ARL13B: variants seen among roughly 807,000 people sequenced by gnomAD.
ARL13B encodes the protein ARF like GTPase 13B.
In ARL13B, 36 loss-of-function variants were observed where a neutral mutation model predicts 56.1. The observed-to-expected ratio is 0.64, with a 90% confidence interval of 0.49 to 0.85. The LOEUF is 0.85. Ranked by LOEUF, ARL13B falls within the 40% of genes least tolerant of loss-of-function variation. The pLI, the probability that ARL13B is intolerant of heterozygous loss-of-function variation, is 0.00. For synonymous variants in ARL13B, 178 were observed against 171.1 expected (o/e 1.04, Z -0.32); for missense variants, 519 against 507.1 (o/e 1.02, Z -0.23).
At chr3:94,014,597 G>C (rs778820747) in intron 3 of ARL13B, 1 of 1,612,726 alleles carries the variant, frequency 6.2e-7, no homozygotes, top group Admixed American at 1.7e-5. Flanking sequence ...TCCTTTATTT[G>C]GTTCTCCAAA....
At chr3:94,051,027 C>T (rs573367176) in intron 9 of ARL13B, 135 bp downstream of exon 9, 31 of 717,612 alleles carry the variant, frequency 4.3e-5, no homozygotes, top group East Asian at 2.8e-4. Context: ...TTTCATTATA[C>T]GTCTTTTTTC....
intron 1 of ARL13B, among the ~76,000 whole-genome samples, chr3:93,990,070 T>C (rs1253153616): frequency 2.6e-5 from 4 of 152,196 alleles, no homozygotes; most frequent in Middle Eastern, 3.2e-3. Context: ...AATGGCACGA[T>C]CTCAGCTCAC....
intron 2 of ARL13B, among the ~76,000 whole-genome samples, chr3:94,001,934 C>A (rs533711025): frequency 6.6e-6 from 1 of 152,254 alleles, no homozygotes; most frequent in East Asian, 1.9e-4. Flanking sequence ...ATATGTCTAA[C>A]TTTACCTTTT....
At chr3:94,045,579 A>G (rs1029595623) in intron 7 of ARL13B, among the ~76,000 whole-genome samples, 20 of 152,244 alleles carry the variant, frequency 1.3e-4, no homozygotes, top group African/African-American at 4.6e-4. Flanking sequence ...TTCATTATAA[A>G]ATATATGTAA....
intron 1 of ARL13B, among the ~76,000 whole-genome samples, chr3:93,983,749 G>GT (rs1331199271): frequency 6.6e-6 from 1 of 151,930 alleles, no homozygotes; most frequent in Non-Finnish European, 1.5e-5. Context: ...TTACTGTTGT[G>GT]TTTTTTCTAT....
intron 3 of ARL13B, among the ~76,000 whole-genome samples, chr3:94,021,858 A>G (rs1200112530): frequency 6.6e-6 from 1 of 152,174 alleles, no homozygotes; most frequent in Non-Finnish European, 1.5e-5. Flanking sequence ...TATAGCCATA[A>G]GCTTTTTAAA....
chr3:94,004,732 G>A (rs2076105591), intron 3 of ARL13B, among the ~76,000 whole-genome samples: 2 of 151,574 alleles, frequency 1.3e-5, no homozygotes, highest in Admixed American at 6.6e-5. Flanking sequence ...GAGGTGGTTT[G>A]GAAGCTCTGA....
At chr3:94,015,221 G>A (rs1361599470) in intron 3 of ARL13B, 1 of 1,589,082 alleles carries the variant, frequency 6.3e-7, no homozygotes, top group Non-Finnish European at 8.5e-7. Context: ...TCTCTAGAGA[G>A]TTCAATTTCC....
intron 3 of ARL13B, among the ~76,000 whole-genome samples, chr3:94,032,204 C>G (rs1380801361): frequency 2.0e-5 from 3 of 152,040 alleles, no homozygotes; most frequent in East Asian, 3.8e-4. Context: ...ACAAGGAAAT[C>G]AACAACAAAA....
intron 3 of ARL13B, among the ~76,000 whole-genome samples, chr3:94,009,989 T>C (rs1452961854): frequency 1.3e-5 from 2 of 151,198 alleles, no homozygotes; most frequent in African/African-American, 4.9e-5. Flanking sequence ...CGTAGCAAGA[T>C]ATTGTCCATG....
chr3:94,003,945 A>T (rs764881953), intron 3 of ARL13B, 37 bp downstream of exon 3: 1 of 1,611,618 alleles, frequency 6.2e-7, no homozygotes, highest in South Asian at 1.1e-5. Flanking sequence ...TGTAGGGACG[A>T]TGGCATTGGC....
chr3:94,044,207 T>A (rs1395841844), intron 7 of ARL13B, among the ~76,000 whole-genome samples: 1 of 144,250 alleles, frequency 6.9e-6, no homozygotes, highest in Non-Finnish European at 1.5e-5. Context: ...GTCTAGGAAG[T>A]GAGGAGTGTC....
chr3:94,000,419 A>G (rs2076034843), intron 2 of ARL13B, among the ~76,000 whole-genome samples: 1 of 152,132 alleles, frequency 6.6e-6, no homozygotes, highest in South Asian at 2.1e-4. Flanking sequence ...TCTCTTGACT[A>G]TCAGATAGTG....
chr3:94,014,582 T>C (rs761027783), intron 3 of ARL13B: 1 of 1,612,388 alleles, frequency 6.2e-7, no homozygotes, highest in Non-Finnish European at 8.5e-7. Context: ...AAAAGATCCC[T>C]TAAATCCTTT....
intron 6 of ARL13B, among the ~76,000 whole-genome samples, 186 bp from the exon 7 acceptor site, chr3:94,042,829 C>T (rs774718322): frequency 2.0e-5 from 3 of 152,036 alleles, no homozygotes; most frequent in Admixed American, 1.3e-4. Context: ...GTTATACTTT[C>T]TGTTTTACTG....
intron 2 of ARL13B, among the ~76,000 whole-genome samples, chr3:94,001,656 C>T (rs1177677048): frequency 6.6e-6 from 1 of 152,038 alleles, no homozygotes; most frequent in East Asian, 1.9e-4. Flanking sequence ...TTACATTGTA[C>T]TTTGAGGACA....
intron 3 of ARL13B, among the ~76,000 whole-genome samples, chr3:94,032,243 C>CAT (rs1357461919): frequency 6.6e-6 from 1 of 152,078 alleles, no homozygotes; most frequent in African/African-American, 2.4e-5. Context: ...GTGCAAAAGA[C>CAT]ATGAATAGTC....
intron 7 of ARL13B, among the ~76,000 whole-genome samples, chr3:94,045,994 A>G (rs942194553): frequency 6.6e-6 from 1 of 151,796 alleles, no homozygotes; most frequent in African/African-American, 2.4e-5. Flanking sequence ...ACTATAAAAT[A>G]AAACCACAGT....
rs1415079643 is a variant in ARL13B at position 94,053,494 on chromosome 3, C to T, written c.*231C>T. 1 of 640,858 alleles carries T rather than the reference C, an allele frequency of 1.6e-6. No individual in the cohort carries two copies. The highest frequency in any genetic ancestry group is 2.9e-6 in the Non-Finnish European group (1 of 347,938). The allele number at this position is 640,858 out of a possible 1,614,324, so 39.7% of individuals were successfully genotyped here. ...CAGTACATGAAATCAGCATTTGGACCAAATTAGCAAGATTTACTGTTGACT... is the reference window on the plus strand; with the variant it reads ...CAGTACATGAAATCAGCATTTGGACTAAATTAGCAAGATTTACTGTTGACT... On this transcript the variant is annotated 3_prime_UTR_variant, in exon 10 of 10. Coordinates refer to ENST00000394222, the MANE Select transcript of ARL13B (RefSeq NM_001174150.2).
Sources: allele counts gnomAD v4.1 joint callset (sites outside exome capture counted in the v4.1 genomes callset), GRCh38; gene constraint gnomAD v4.1.1; transcripts MANE v1.5; gene names NCBI Gene and HGNC (gene_info 2026-07-23, HGNC 2026-07-21).